KLHL4: variants seen among roughly 807,000 people sequenced by gnomAD.
KLHL4 encodes kelch like family member 4, also known as kelch-like protein 4.
A neutral mutation model predicts 45.8 loss-of-function variants in KLHL4; 17 were observed. The observed-to-expected ratio is 0.37, with a 90% CI of 0.25 to 0.56. KLHL4 has a LOEUF of 0.56. KLHL4 is among the 20% of genes least tolerant of loss of function. KLHL4 has a pLI of 0.79. For missense variants in KLHL4, 544 were observed against 544.9 expected (o/e 1.00, Z 0.02); for synonymous variants, 224 against 189.9 (o/e 1.18, Z -1.47).
chrX:87,540,237 C>G (rs1304839065), intron 1 of KLHL4, among the ~76,000 whole-genome samples: 1 of 111,364 alleles, frequency 9.0e-6, no homozygotes, highest in Non-Finnish European at 1.9e-5. Flanking sequence ...ACATTATAAA[C>G]ACTGTACACC....
chrX:87,557,834 C>G (rs546994019), intron 1 of KLHL4, among the ~76,000 whole-genome samples: 1 of 111,773 alleles, frequency 8.9e-6, no homozygotes, highest in South Asian at 3.7e-4. Context: ...TCACAGTCCT[C>G]TTTCTTTATC....
At chrX:87,582,017 C>T (rs1487793554) in intron 1 of KLHL4, among the ~76,000 whole-genome samples, 14 of 111,730 alleles carry the variant, frequency 1.3e-4, no homozygotes, top group Non-Finnish European at 2.6e-4. Flanking sequence ...AGGATCATAA[C>T]CAACCTGATA....
Position 87,664,930 on chromosome X carries a change from A to G in KLHL4, c.2092A>G (p.Lys698Glu), listed in dbSNP as rs762788441. Reference protein sequence around the residue: ...ESYDAQRNEWKEEVPVNIGRA... With the variant: ...ESYDAQRNEWEEEVPVNIGRA... Reference sequence around the variant, plus strand: ...ATATGATGCACAGAGAAATGAATGGAAAGAGGTATTCGAATTAAAATATTC... The same window carrying G: ...ATATGATGCACAGAGAAATGAATGGGAAGAGGTATTCGAATTAAAATATTC... Residue 698 changes from lysine to glutamate, a missense_variant, in exon 10 of 11, where the codon AAA (lysine) becomes GAA (glutamate). Physicochemically the swap from Lys to Glu is moderately conservative, Grantham distance 56. Coordinates refer to ENST00000373119, the MANE Select transcript of KLHL4 (RefSeq NM_019117.5). 2.0e-5 allele frequency: 22 copies of G among 1,121,390 alleles called. No homozygotes were observed. The highest frequency in any genetic ancestry group is 2.5e-5 in the Non-Finnish European group (21 of 825,159). The allele number at this position is 1,121,390 out of a possible 1,213,427, so 92.4% of individuals were successfully genotyped here.
chrX:87,558,180 A>G (rs886528776), intron 1 of KLHL4, among the ~76,000 whole-genome samples: 1 of 111,618 alleles, frequency 9.0e-6, no homozygotes, highest in Non-Finnish European at 1.9e-5. Context: ...AAGGCACAAT[A>G]AGTTGCATTC....
intron 5 of KLHL4, among the ~76,000 whole-genome samples, chrX:87,622,627 C>T (rs1427231465): frequency 9.0e-6 from 1 of 110,714 alleles, no homozygotes; most frequent in African/African-American, 3.3e-5. Context: ...AAAAAGCTAC[C>T]GTTAAACCAT....
At chrX:87,606,816 A>C (rs1021445914) in intron 1 of KLHL4, among the ~76,000 whole-genome samples, 9 of 111,575 alleles carry the variant, frequency 8.1e-5, no homozygotes, top group Non-Finnish European at 1.5e-4. Context: ...TGTAGAAACT[A>C]TTTTCTTTAT....
chrX:87,659,827 G>C (rs1476387644), intron 9 of KLHL4, among the ~76,000 whole-genome samples: 1 of 111,236 alleles, frequency 9.0e-6, no homozygotes, highest in Non-Finnish European at 1.9e-5. Context: ...TTTCAGGACT[G>C]GCTTCATGCA....
chrX:87,615,926 TA>T (rs1922542698), intron 3 of KLHL4, among the ~76,000 whole-genome samples: 1 of 111,057 alleles, frequency 9.0e-6, no homozygotes, highest in Admixed American at 9.7e-5. Context: ...TTGAATATAC[TA>T]AAAAACACCA....
chrX:87,598,363 G>C (rs1921903972), intron 1 of KLHL4, among the ~76,000 whole-genome samples: 1 of 110,727 alleles, frequency 9.0e-6, no homozygotes, highest in African/African-American at 3.3e-5. Flanking sequence ...TTCTGTATTA[G>C]AGAATTCCAA....
chrX:87,578,811 A>G (rs754898291), intron 1 of KLHL4, among the ~76,000 whole-genome samples: 17 of 111,522 alleles, frequency 1.5e-4, no homozygotes, highest in Admixed American at 1.4e-3. Context: ...CACAGTTTGG[A>G]TGCCCAGTGG....
chrX:87,570,420 A>G (rs1157480675), intron 1 of KLHL4, among the ~76,000 whole-genome samples: 1 of 110,767 alleles, frequency 9.0e-6, no homozygotes, highest in African/African-American at 3.3e-5. Flanking sequence ...TAAGAACCTG[A>G]TAGAGCATGG....
At chrX:87,636,357 T>A (rs1172987496) in intron 9 of KLHL4, among the ~76,000 whole-genome samples, 2 of 111,750 alleles carry the variant, frequency 1.8e-5, no homozygotes, top group Non-Finnish European at 3.8e-5. Context: ...AAATGGCAGA[T>A]AGGAGCCAGG....
chrX:87,556,855 A>G (rs949119161), intron 1 of KLHL4, among the ~76,000 whole-genome samples: 5 of 111,200 alleles, frequency 4.5e-5, no homozygotes, highest in African/African-American at 1.6e-4. Flanking sequence ...TTGATCATGC[A>G]GGATTTTTTT....
chrX:87,600,357 A>G (rs761282807), intron 1 of KLHL4, among the ~76,000 whole-genome samples: 68 of 110,297 alleles, frequency 6.2e-4, no homozygotes, highest in African/African-American at 1.9e-3. Flanking sequence ...GGTGGCGGGC[A>G]CCTGTAGTCC....
At chrX:87,590,383 G>T (rs1243236302) in intron 1 of KLHL4, among the ~76,000 whole-genome samples, 1 of 111,436 alleles carries the variant, frequency 9.0e-6, no homozygotes, top group Non-Finnish European at 1.9e-5. Flanking sequence ...TGTACTTATA[G>T]ATTGGAAGAC....
chrX:87,534,080 A>T (rs930133714), intron 1 of KLHL4, among the ~76,000 whole-genome samples: 6 of 111,674 alleles, frequency 5.4e-5, no homozygotes, highest in African/African-American at 1.9e-4. Flanking sequence ...CAGGAATAAA[A>T]GAAAACACGT....
At chrX:87,583,974 G>A (rs1290635633) in intron 1 of KLHL4, among the ~76,000 whole-genome samples, 1 of 111,438 alleles carries the variant, frequency 9.0e-6, no homozygotes, top group South Asian at 3.8e-4. Context: ...AATGGTGCTT[G>A]TGTCATTTCA....
At chrX:87,541,268 T>C (rs1282130229) in intron 1 of KLHL4, among the ~76,000 whole-genome samples, 1 of 108,788 alleles carries the variant, frequency 9.2e-6, no homozygotes, top group Non-Finnish European at 1.9e-5. Flanking sequence ...GGGTGGATCA[T>C]GAGGTCAAGA....
At chrX:87,558,592 A>C (rs1250699460) in intron 1 of KLHL4, among the ~76,000 whole-genome samples, 1 of 111,676 alleles carries the variant, frequency 9.0e-6, no homozygotes, top group East Asian at 2.8e-4. Flanking sequence ...CCATCTCAAA[A>C]AACAAACAAA....
Sources: gnomAD v4.1 joint callset for allele counts (sites outside exome capture counted in the v4.1 genomes callset) on GRCh38, gnomAD v4.1.1 for gene constraint, MANE v1.5 for transcripts, NCBI Gene and HGNC (gene_info 2026-07-23, HGNC 2026-07-21) for gene names.